Variants in RABGAP1L observed in about 807,000 individuals in gnomAD.
RABGAP1L encodes the protein rab GTPase-activating protein 1-like.
RABGAP1L carries 63 observed loss-of-function variants against 137.7 expected under a neutral mutation model. That is an observed-to-expected ratio of 0.46 (90% CI 0.37 to 0.56). RABGAP1L has a LOEUF of 0.56. Ranked by LOEUF, RABGAP1L falls within the 20% of genes least tolerant of loss-of-function variation. The probability of loss-of-function intolerance (pLI) is 0.00; values close to 1 mark genes in which losing one functional copy is unlikely to be tolerated. For missense variants in RABGAP1L, 1,095 were observed against 1,244.0 expected (o/e 0.88, Z 1.80); for synonymous variants, 431 against 433.7 (o/e 0.99, Z 0.08).
intron 11 of RABGAP1L, among the ~76,000 whole-genome samples, chr1:174,310,221 A>G (rs1294128669): frequency 6.6e-6 from 1 of 152,140 alleles, no homozygotes; most frequent in Non-Finnish European, 1.5e-5. Flanking sequence ...CTTGGTGTTC[A>G]GGAGCATATT....
At chr1:174,162,777 G>GTTTTTTTTTTTTTTTTT (rs67811794) in intron 1 of RABGAP1L, among the ~76,000 whole-genome samples, 1 of 51,556 alleles carries the variant, frequency 1.9e-5, no homozygotes, top group African/African-American at 8.1e-5. Flanking sequence ...TTCTCTTTCT[G>GTTTTTTTTTTTTTTTTT]TTTTTTTTTT....
chr1:174,760,418 G>A (rs191725058), intron 18 of RABGAP1L, among the ~76,000 whole-genome samples: 2 of 152,258 alleles, frequency 1.3e-5, no homozygotes, highest in East Asian at 1.9e-4. Context: ...ACAAGTGAGA[G>A]CACGTGGTAT....
rs559218858 is a variant in RABGAP1L at position 174,219,005 on chromosome 1, T to A, written c.-33-120T>A. 4.4e-5 allele frequency: 33 copies of A among 751,512 alleles called. No homozygotes were observed. In the Admixed American group the frequency reaches 1.0e-3, roughly 23 times the overall value. The allele number at this position is 751,512 out of a possible 1,614,324, so 46.6% of individuals were successfully genotyped here. ...AGCCTCCCTAACTTTGAGATAATTATCTAGCCAGCAGGATTCTTCTTCACA... is the reference window on the plus strand; with the variant it reads ...AGCCTCCCTAACTTTGAGATAATTAACTAGCCAGCAGGATTCTTCTTCACA... On this transcript the variant is annotated intron_variant, in intron 1 of 25. Transcript: ENST00000681986.
intron 13 of RABGAP1L, among the ~76,000 whole-genome samples, chr1:174,430,774 T>G (rs915499194): frequency 2.0e-5 from 3 of 152,238 alleles, no homozygotes; most frequent in Non-Finnish European, 4.4e-5. Flanking sequence ...ATGAAAGATA[T>G]AAGTGATATA....
At chr1:174,194,842 A>T (rs774660976) in intron 1 of RABGAP1L, among the ~76,000 whole-genome samples, 3 of 152,158 alleles carry the variant, frequency 2.0e-5, no homozygotes, top group Non-Finnish European at 4.4e-5. Context: ...TTGAAATTAG[A>T]TTGACACAAA....
intron 13 of RABGAP1L, among the ~76,000 whole-genome samples, chr1:174,462,092 T>C (rs1479533690): frequency 2.0e-5 from 3 of 152,282 alleles, no homozygotes; most frequent in Middle Eastern, 6.8e-3. Flanking sequence ...TTGTAAAATA[T>C]GGTTTTGAAG....
chr1:174,166,358 T>A (rs1664907845), intron 1 of RABGAP1L, among the ~76,000 whole-genome samples: 1 of 152,160 alleles, frequency 6.6e-6, no homozygotes, highest in Non-Finnish European at 1.5e-5. Flanking sequence ...GGATCTTAAT[T>A]TTTGGAGGCA....
chr1:174,652,506 G>A (rs1420071648), intron 14 of RABGAP1L, among the ~76,000 whole-genome samples: 1 of 152,122 alleles, frequency 6.6e-6, no homozygotes, highest in African/African-American at 2.4e-5. Flanking sequence ...CCTTTTTGTT[G>A]ATGTTGATGC....
At chr1:174,378,693 G>C (rs969921267) in intron 12 of RABGAP1L, among the ~76,000 whole-genome samples, 1 of 151,906 alleles carries the variant, frequency 6.6e-6, no homozygotes, top group Admixed American at 6.6e-5. Flanking sequence ...TCAGTCCTTT[G>C]TCAGATGAGT....
chr1:174,222,353 A>G (rs1235235685), intron 3 of RABGAP1L, among the ~76,000 whole-genome samples: 2 of 152,220 alleles, frequency 1.3e-5, no homozygotes, highest in Admixed American at 6.5e-5. Flanking sequence ...GTACAGGGTA[A>G]GTATAGGTAT....
chr1:174,489,102 C>T (rs912576505), intron 13 of RABGAP1L, among the ~76,000 whole-genome samples: 1 of 151,986 alleles, frequency 6.6e-6, no homozygotes, highest in Admixed American at 6.6e-5. Flanking sequence ...TGATTCCATT[C>T]AGGACATAGG....
chr1:174,840,232 C>A (rs1372038174), intron 19 of RABGAP1L, among the ~76,000 whole-genome samples: 1 of 152,120 alleles, frequency 6.6e-6, no homozygotes, highest in East Asian at 1.9e-4. Flanking sequence ...AATGACAGAA[C>A]AAAGATTACA....
chr1:174,756,051 T>G (rs1684727441), intron 18 of RABGAP1L, among the ~76,000 whole-genome samples: 1 of 152,192 alleles, frequency 6.6e-6, no homozygotes, highest in Non-Finnish European at 1.5e-5. Flanking sequence ...TTTAATGAGT[T>G]AATATATGAT....
chr1:174,887,520 G>C (rs1174561045), intron 19 of RABGAP1L, among the ~76,000 whole-genome samples: 1 of 151,836 alleles, frequency 6.6e-6, no homozygotes, highest in African/African-American at 2.4e-5. Context: ...AGGTAATTAA[G>C]AAACAGAAAT....
At chr1:174,711,705 C>T (rs898184427) in intron 17 of RABGAP1L, among the ~76,000 whole-genome samples, 2 of 152,214 alleles carry the variant, frequency 1.3e-5, no homozygotes, top group South Asian at 2.1e-4. Context: ...CACGGGCTCC[C>T]GCACGCCCGA....
chr1:174,853,818 T>C (rs189597855), intron 19 of RABGAP1L, among the ~76,000 whole-genome samples: 111 of 152,306 alleles, frequency 7.3e-4, no homozygotes, highest in Admixed American at 1.9e-3. Context: ...AGCTATCTCT[T>C]GATGAGCTTT....
intron 13 of RABGAP1L, among the ~76,000 whole-genome samples, chr1:174,629,695 T>C (rs1673188588): frequency 6.6e-6 from 1 of 152,148 alleles, no homozygotes; most frequent in African/African-American, 2.4e-5. Flanking sequence ...GCTAATTTTT[T>C]GTATTTTTTA....
At chr1:174,944,112 A>C (rs980121682) in intron 19 of RABGAP1L, among the ~76,000 whole-genome samples, 1 of 151,776 alleles carries the variant, frequency 6.6e-6, no homozygotes, top group Non-Finnish European at 1.5e-5. Context: ...CTCTACTAAA[A>C]GTATAAAAAA....
Position 174,221,043 on chromosome 1 carries a change from A to C in RABGAP1L, c.210A>C (p.Pro70=). 6.2e-7 allele frequency: 1 copy of C among 1,613,938 alleles called. No homozygotes were observed. Among genetic ancestry groups the C allele is most frequent in the Non-Finnish European group, 8.5e-7 (1 of 1,179,906 alleles). Residue 70 remains proline, a synonymous_variant, in exon 3 of 26, where the codon CCA becomes CCC. Transcript: ENST00000681986. ...EEILRDSEKR[P]SSLLVDCQSS... Reference sequence around the variant, plus strand: ...TTTTGAGAGATTCCGAGAAAAGGCCAAGCAGTCTTCTTGTTGATTGTCAAA... The same window carrying C: ...TTTTGAGAGATTCCGAGAAAAGGCCCAGCAGTCTTCTTGTTGATTGTCAAA...
Sources: allele counts gnomAD v4.1 joint callset (sites outside exome capture counted in the v4.1 genomes callset), GRCh38; gene constraint gnomAD v4.1.1; transcripts MANE v1.5; gene names NCBI Gene and HGNC (gene_info 2026-07-23, HGNC 2026-07-21).